The following WDR11 variants were observed in gnomAD, a reference collection of about 807,000 sequenced individuals.
WDR11 encodes WD repeat-containing protein 11.
WDR11 carries 83 observed loss-of-function variants against 151.2 expected under a neutral mutation model. The observed-to-expected ratio is 0.55, with a 90% confidence interval of 0.46 to 0.66. WDR11 has a LOEUF of 0.66. WDR11 is among the 30% of genes least tolerant of loss of function. WDR11 has a pLI of 0.00. For synonymous variants in WDR11, 484 were observed against 533.1 expected (o/e 0.91, Z 1.27); for missense variants, 1,301 against 1,480.9 (o/e 0.88, Z 1.99).
At chr10:120,906,359 A>G in intron 27 of WDR11, 1 of 1,253,090 alleles carries the variant, frequency 8.0e-7, no homozygotes, top group Non-Finnish European at 1.0e-6. Context: ...AGGCGACAGA[A>G]GGCATGGTGA....
At chr10:120,859,681 C>A (rs1243409498) in intron 3 of WDR11, among the ~76,000 whole-genome samples, 1 of 152,026 alleles carries the variant, frequency 6.6e-6, no homozygotes, top group African/African-American at 2.4e-5. Context: ...AGGTACTGAA[C>A]TAGATCTTTG....
At chr10:120,908,217 G>A (rs1479507379) in intron 28 of WDR11, 26 of 327,486 alleles carry the variant, frequency 7.9e-5, no homozygotes, top group Non-Finnish European at 1.5e-4. Flanking sequence ...ATGAGGATAT[G>A]CAGGTTAAGT....
At chr10:120,864,087 G>A (rs184069502) in intron 5 of WDR11, among the ~76,000 whole-genome samples, 6 of 152,154 alleles carry the variant, frequency 3.9e-5, no homozygotes, top group African/African-American at 7.2e-5. Flanking sequence ...AAGTAGAACC[G>A]CTCTGGGTGC....
intron 13 of WDR11, among the ~76,000 whole-genome samples, chr10:120,881,395 A>G (rs1292120526): frequency 2.0e-5 from 3 of 152,164 alleles, no homozygotes; most frequent in African/African-American, 7.2e-5. Flanking sequence ...TTTCCATATA[A>G]ATTTTAGAAT....
In WDR11 at chr10:120,908,701, C is replaced by CATTGAAGAGTGACAGCTTAATAA. The variant is rs1564729264; in HGVS notation, c.3666_*13dup. Reference sequence around the variant, plus strand: ...AGCTTGAGTCCCCCAAGGAAGAACCCATTGAAGAGTGACAGCTTAATAAAT... The same window carrying CATTGAAGAGTGACAGCTTAATAA: ...AGCTTGAGTCCCCCAAGGAAGAACCCATTGAAGAGTGACAGCTTAATAAATTGAAGAGTGACAGCTTAATAAAT... On this transcript the variant is annotated stop_gained and frameshift_variant, in exon 29 of 29. Coordinates refer to ENST00000263461, the MANE Select transcript of WDR11 (RefSeq NM_018117.12). LOFTEE classifies it high-confidence loss of function. The CATTGAAGAGTGACAGCTTAATAA allele has an allele frequency of 5.0e-6, 8 of 1,614,006 alleles. No individual in the cohort carries two copies. Among genetic ancestry groups the CATTGAAGAGTGACAGCTTAATAA allele is most frequent in the Non-Finnish European group, 6.8e-6 (8 of 1,180,040 alleles).
At chr10:120,854,931 A>T (rs1411951766) in intron 2 of WDR11, among the ~76,000 whole-genome samples, 2 of 152,162 alleles carry the variant, frequency 1.3e-5, no homozygotes, top group African/African-American at 4.8e-5. Context: ...ACCCCAGTGG[A>T]AGCCTGAAAC....
Position 120,871,324 on chromosome 10 carries a change from G to C in WDR11, c.1449G>C (p.Met483Ile), listed in dbSNP as rs151162552. The change falls in exon 10 of 29, where the codon ATG (methionine) becomes ATC (isoleucine). Residue 483 changes from methionine (M) to isoleucine (I), a missense_variant. Around this residue, in one of 3 missense-constraint regions of WDR11, gnomAD observed 692 missense variants for 762.5 expected, o/e 0.91. Transcript: ENST00000263461. ...CGTTGACCACAAAAAACATCAAGAT[G>C]TATCAGCCACTGCTGGCTGTTGGTG... ...CPPLTTKNIK[M>I]YQPLLAVGTS... is the part of the protein sequence containing the mutation. 3.9e-4 allele frequency: 629 copies of C among 1,613,560 alleles called. No homozygotes were observed. The highest frequency in any genetic ancestry group is 7.0e-4 in the Admixed American group (42 of 59,956).
At chr10:120,856,182 T>A (rs1415156982) in intron 2 of WDR11, 4 of 152,336 alleles carry the variant, frequency 2.6e-5, no homozygotes, top group East Asian at 3.8e-4. Context: ...TAGCTTTTAT[T>A]TCTCTGAGAA....
At chr10:120,904,191 T>G in intron 24 of WDR11, 49 bp downstream of exon 24, 2 of 1,416,524 alleles carry the variant, frequency 1.4e-6, no homozygotes, top group South Asian at 2.3e-5. Flanking sequence ...TGCTAGTTAA[T>G]TCGTATTTCA....
At chr10:120,903,960 A>G (rs779159839) in intron 23 of WDR11, 87 bp from the exon 24 acceptor site, 12 of 888,104 alleles carry the variant, frequency 1.4e-5, no homozygotes, top group African/African-American at 5.1e-5. Context: ...GTAGTTTATT[A>G]AAATGATCTT....
At chr10:120,851,596 G>C in intron 1 of WDR11, 90 bp downstream of exon 1, 4 of 1,505,232 alleles carry the variant, frequency 2.7e-6, no homozygotes, top group Non-Finnish European at 3.6e-6. Context: ...CCCCTGGTTA[G>C]TTTGGCCTCG....
intron 25 of WDR11, 115 bp downstream of exon 25, chr10:120,904,926 G>T: frequency 8.2e-7 from 1 of 1,222,482 alleles, no homozygotes; most frequent in Non-Finnish European, 1.2e-6. Flanking sequence ...AAGAAAAATA[G>T]AAAAATTATT....
intron 11 of WDR11, 95 bp from the exon 12 acceptor site, chr10:120,878,258 A>C (rs978601253): frequency 3.2e-6 from 3 of 939,146 alleles, no homozygotes; most frequent in Non-Finnish European, 4.9e-6. Context: ...TTGTGTAATA[A>C]AATTTAGGTC....
Position 120,858,728 on chromosome 10 carries a change from TCATCGTCTGGGATGTAG to T in WDR11, c.287_303del (p.Ile96SerfsTer7). On this transcript the variant is annotated frameshift_variant, in exon 3 of 29. Transcript: ENST00000263461. LOFTEE classifies it high-confidence loss of function. ...GCTTCTGCTGATGTCAATGGGAAGATCATCGTCTGGGATGTAGCAGCAGGAGTAGCTCAGTGTGAGAT... is the reference window on the plus strand; with the variant it reads ...GCTTCTGCTGATGTCAATGGGAAGATCAGCAGGAGTAGCTCAGTGTGAGAT... 1 of 1,614,184 alleles carries T rather than the reference TCATCGTCTGGGATGTAG, an allele frequency of 6.2e-7. No individual in the cohort carries two copies. The highest frequency in any genetic ancestry group is 8.5e-7 in the Non-Finnish European group (1 of 1,180,034).
At chr10:120,906,246 T>G (rs2420894) in intron 27 of WDR11, 26 of 1,417,116 alleles carry the variant, frequency 1.8e-5, no homozygotes, top group South Asian at 7.4e-5. Context: ...CTGATCAGAC[T>G]TAACAGGCAC....
chr10:120,906,540 G>T (rs1391725020), intron 27 of WDR11: 3 of 1,381,682 alleles, frequency 2.2e-6, no homozygotes, highest in African/African-American at 2.9e-5. Flanking sequence ...AGATTTTTGT[G>T]TATTTAAACT....
At chr10:120,876,270 G>A (rs764745663) in intron 11 of WDR11, among the ~76,000 whole-genome samples, 13 of 151,952 alleles carry the variant, frequency 8.6e-5, no homozygotes, top group African/African-American at 9.7e-5. Context: ...GTGAGCCACC[G>A]CGCCAGGCCA....
Position 120,851,395 on chromosome 10 carries a change from G to T in WDR11, c.-26G>T. 6.3e-7 allele frequency: 1 copy of T among 1,598,004 alleles called. No homozygotes were observed. The highest frequency in any genetic ancestry group is 1.7e-5 in the Admixed American group (1 of 57,630). On this transcript the variant is annotated 5_prime_UTR_variant, in exon 1 of 29. Transcript: ENST00000263461. ...CGCCGCTTCCTGGTTGCGGGTCAGC[G>T]CCCAGGTCCTGGGCTGGCCGCCGGG... is the stretch of plus-strand genomic sequence containing the variant.
At position 120,903,222 on chromosome 10, in the gene WDR11, C is replaced by T. The variant is rs780262382; in HGVS notation, c.2921C>T (p.Ala974Val). The T allele has an allele frequency of 2.5e-6, 4 of 1,614,042 alleles. No individual in the cohort carries two copies. Among genetic ancestry groups the T allele is most frequent in the Non-Finnish European group, 2.5e-6 (3 of 1,180,024 alleles). Residue 974 changes from alanine (A) to valine (V), a missense_variant, in exon 23 of 29, where the codon GCC becomes GTC. Around this residue, in one of 3 missense-constraint regions of WDR11, gnomAD observed 589 missense variants for 670.6 expected, o/e 0.88. Transcript: ENST00000263461. ...DICYDVLCENAYFQKFQLERV... is the reference protein window; with the variant it reads ...DICYDVLCENVYFQKFQLERV... ...TGCTATGACGTGCTCTGTGAAAATG[C>T]CTACTTTCAGGTAGTCTGCTTCACA... is the stretch of plus-strand genomic sequence containing the variant.
Sources: gnomAD v4.1 joint callset for allele counts (sites outside exome capture counted in the v4.1 genomes callset) on GRCh38, gnomAD v4.1.1 for gene constraint, gnomAD v4.1.1 regional missense constraint, MANE v1.5 for transcripts, NCBI Gene and HGNC (gene_info 2026-07-23, HGNC 2026-07-21) for gene names.